RC3H2: variants seen among roughly 807,000 people sequenced by gnomAD.
The protein encoded by RC3H2 is ring finger and CCCH-type domains 2, also known as roquin-2.
Under a neutral mutation model 133.3 loss-of-function variants are expected in RC3H2, and 31 were observed. The observed-to-expected ratio is 0.23, with a 90% CI of 0.17 to 0.31. RC3H2 has a LOEUF of 0.31. RC3H2 is among the 10% of genes least tolerant of loss of function. RC3H2 has a pLI of 1.00. For missense variants in RC3H2, 1,175 were observed against 1,437.2 expected (o/e 0.82, Z 2.95); for synonymous variants, 517 against 502.2 (o/e 1.03, Z -0.40).
At chr9:122,851,696 G>A (rs1030952917) in intron 18 of RC3H2, 83 of 390,822 alleles carry the variant, frequency 2.1e-4, no homozygotes, top group South Asian at 2.2e-4. Flanking sequence ...ACGGGGTTTC[G>A]CTGTGATGGC....
rs368034443 is a variant in RC3H2 at position 122,859,899 on chromosome 9, T to C, written c.1849+18A>G. The C allele has an allele frequency of 2.5e-5, 39 of 1,551,266 alleles. No homozygotes were observed. In the African/African-American group the frequency reaches 4.1e-4, roughly 16 times the overall value. On this transcript the variant is annotated intron_variant, in intron 11 of 20. Transcript: ENST00000357244. ...AACAATGTTTCTTTTTTTCTTAGAA[T>C]TGTCTAAAATTACTCACCTGTCTGT...
intron 10 of RC3H2, among the ~76,000 whole-genome samples, chr9:122,861,961 G>C (rs1276696030): frequency 6.6e-6 from 1 of 152,142 alleles, no homozygotes; most frequent in Non-Finnish European, 1.5e-5. Flanking sequence ...AAATGATTAG[G>C]ATTTCCTTAA....
intron 1 of RC3H2, among the ~76,000 whole-genome samples, chr9:122,900,699 T>C (rs1419160944): frequency 1.3e-5 from 2 of 152,204 alleles, no homozygotes; most frequent in Non-Finnish European, 2.9e-5. Context: ...TAGTTACTAC[T>C]GAAGTATTCT....
chr9:122,897,512 T>C lies in RC3H2; in HGVS notation c.-3A>G, dbSNP rs992513827. The C allele has an allele frequency of 1.2e-6, 2 of 1,611,890 alleles. No individual in the cohort carries two copies. The highest frequency in any genetic ancestry group is 1.7e-6 in the Non-Finnish European group (2 of 1,178,646). ...CATTGAGCTGCCTGCACAGGCATTG[T>C]GGAAGCTGGATGCTCGGGTTAGCAG... is the stretch of plus-strand genomic sequence containing the variant. On this transcript the variant is annotated 5_prime_UTR_variant, in exon 2 of 21. Coordinates refer to ENST00000357244, the MANE Select transcript of RC3H2 (RefSeq NM_001100588.3).
In RC3H2 at chr9:122,883,235, AC is replaced by A; in HGVS notation, c.727del (p.Val243CysfsTer21). The part of the protein sequence containing the change: ...QASKTSIGHV[V>X]QLLYRASCFK... ...ACAAGAAGCTCGATACAGTAGTTGC[AC>A]AACATGACCAATACTTGTTTTTGAT... On this transcript the variant is annotated frameshift_variant, in exon 5 of 21. Coordinates refer to ENST00000357244, the MANE Select transcript of RC3H2 (RefSeq NM_001100588.3). LOFTEE classifies it high-confidence loss of function. 6.2e-7 allele frequency: 1 copy of A among 1,613,614 alleles called. No homozygotes were observed. The highest frequency in any genetic ancestry group is 8.5e-7 in the Non-Finnish European group (1 of 1,179,888).
At chr9:122,876,660 C>T (rs577630206) in intron 9 of RC3H2, among the ~76,000 whole-genome samples, 3 of 150,404 alleles carry the variant, frequency 2.0e-5, no homozygotes, top group African/African-American at 7.3e-5. Flanking sequence ...CACTGGCCAG[C>T]AGAAAGTAGA....
At chr9:122,869,707 A>G (rs1433929595) in intron 9 of RC3H2, among the ~76,000 whole-genome samples, 1 of 151,648 alleles carries the variant, frequency 6.6e-6, no homozygotes, top group Non-Finnish European at 1.5e-5. Context: ...TGCACATTAT[A>G]GGCGCGCGCC....
intron 18 of RC3H2, chr9:122,853,664 A>C: frequency 3.2e-6 from 2 of 619,090 alleles, no homozygotes; most frequent in South Asian, 4.3e-5. Flanking sequence ...AGGCAGGAGA[A>C]TCGCTTGAAC....
At position 122,877,521 on chromosome 9, in the gene RC3H2, A is replaced by ACAACCCCCTTGCT; in HGVS notation, c.1262_1274dup (p.Cys425Ter). 6.2e-7 allele frequency: 1 copy of ACAACCCCCTTGCT among 1,614,216 alleles called. No homozygotes were observed. The highest frequency in any genetic ancestry group is 8.5e-7 in the Non-Finnish European group (1 of 1,180,026). On this transcript the variant is annotated stop_gained and frameshift_variant, in exon 9 of 21. Transcript: ENST00000357244. LOFTEE classifies it high-confidence loss of function. ...CAAATGTACAATTTGTTCCTCGTGGACAACCCCCTTGCTGTCGCAAATCTC... is the reference window on the plus strand; with the variant it reads ...CAAATGTACAATTTGTTCCTCGTGGACAACCCCCTTGCTCAACCCCCTTGCTGTCGCAAATCTC...
chr9:122,858,357 C>T (rs1830329609), intron 12 of RC3H2, among the ~76,000 whole-genome samples: 1 of 152,170 alleles, frequency 6.6e-6, no homozygotes, highest in Non-Finnish European at 1.5e-5. Context: ...AAGGTCCTAA[C>T]CTTGTATTTT....
intron 15 of RC3H2, 47 bp downstream of exon 15, chr9:122,855,132 AAAGGC>A: frequency 7.6e-7 from 1 of 1,322,628 alleles, no homozygotes; most frequent in South Asian, 1.4e-5. Flanking sequence ...AAAAAAAAAA[AAAGGC>A]ATAGTGCTTA....
Position 122,847,348 on chromosome 9 carries a change from G to A in RC3H2, c.*2279C>T, listed in dbSNP as rs1316322824. 1 of 152,108 alleles carries A rather than the reference G, an allele frequency of 6.6e-6. No homozygotes were observed. Among genetic ancestry groups the A allele is most frequent in the Admixed American group, 6.5e-5 (1 of 15,268 alleles). 9.4% of individuals were successfully genotyped at this position (152,108 alleles called of 1,614,324 possible). A position where few individuals can be genotyped will look rare whatever the true frequency, so the allele number is the denominator to read the frequency against. On this transcript the variant is annotated 3_prime_UTR_variant, in exon 21 of 21. Coordinates refer to ENST00000357244, the MANE Select transcript of RC3H2 (RefSeq NM_001100588.3). Reference sequence around the variant, plus strand: ...ATGTTTTGTGTAGTTCTGTTGCACAGAGGGTTCTTTCCCTGAGGGCACATA... The same window carrying A: ...ATGTTTTGTGTAGTTCTGTTGCACAAAGGGTTCTTTCCCTGAGGGCACATA...
At chr9:122,894,975 A>G (rs1320684262) in intron 2 of RC3H2, among the ~76,000 whole-genome samples, 1 of 152,216 alleles carries the variant, frequency 6.6e-6, no homozygotes, top group Non-Finnish European at 1.5e-5. Flanking sequence ...TATACTTGGT[A>G]TATCTGAGAA....
chr9:122,846,320 G>C lies in RC3H2; in HGVS notation c.*3307C>G, dbSNP rs188869190. 1.3e-5 allele frequency: 2 copies of C among 152,272 alleles called. No individual in the cohort carries two copies. Among genetic ancestry groups the C allele is most frequent in the Admixed American group, 1.3e-4 (2 of 15,298 alleles). The allele number at this position is 152,272 out of a possible 1,614,324, so 9.4% of individuals were successfully genotyped here. On this transcript the variant is annotated 3_prime_UTR_variant, in exon 21 of 21. Coordinates refer to ENST00000357244, the MANE Select transcript of RC3H2 (RefSeq NM_001100588.3). ...GCTATGATGGGAAGGAAAAATCAGT[G>C]CCACTGGCCTAATGAACTCCCTTTT... is the stretch of plus-strand genomic sequence containing the variant.
chr9:122,872,042 T>G (rs1831125191), intron 9 of RC3H2, among the ~76,000 whole-genome samples: 1 of 152,168 alleles, frequency 6.6e-6, no homozygotes, highest in Non-Finnish European at 1.5e-5. Context: ...CCTTTCAAAG[T>G]ATTGGAATTA....
At chr9:122,862,875 C>G (rs1429385328) in intron 10 of RC3H2, among the ~76,000 whole-genome samples, 1 of 121,416 alleles carries the variant, frequency 8.2e-6, no homozygotes, top group Non-Finnish European at 1.6e-5. Context: ...ACCTGGGTGA[C>G]AGAGAGACTC....
chr9:122,860,316 G>C (rs138104483), intron 10 of RC3H2, among the ~76,000 whole-genome samples, 185 bp from the exon 11 acceptor site: 6 of 151,624 alleles, frequency 4.0e-5, no homozygotes, highest in African/African-American at 1.2e-4. Flanking sequence ...CGTGATCATC[G>C]TAACAGATGT....
rs1829847308 is a variant in RC3H2, at chr9:122,845,371, A to C, written c.*4256T>G. The C allele has an allele frequency of 6.6e-6, 1 of 152,168 alleles. No individual in the cohort carries two copies. Among genetic ancestry groups the C allele is most frequent in the African/African-American group, 2.4e-5 (1 of 41,436 alleles). 9.4% of individuals were successfully genotyped at this position (152,168 alleles called of 1,614,324 possible). On this transcript the variant is annotated 3_prime_UTR_variant, in exon 21 of 21. Coordinates refer to ENST00000357244, the MANE Select transcript of RC3H2 (RefSeq NM_001100588.3). Reference sequence around the variant, plus strand: ...TGTGTTGTATCACAACTACAGTATAATTGTTTGCCCAGCTAAGAGAATGCA... The same window carrying C: ...TGTGTTGTATCACAACTACAGTATACTTGTTTGCCCAGCTAAGAGAATGCA...
intron 9 of RC3H2, among the ~76,000 whole-genome samples, chr9:122,871,428 G>C (rs1053687541): frequency 5.3e-5 from 8 of 151,656 alleles, no homozygotes; most frequent in African/African-American, 1.9e-4. Flanking sequence ...CTCCCGAGGA[G>C]CTGGTACTAC....
Sources: allele counts gnomAD v4.1 joint callset (sites outside exome capture counted in the v4.1 genomes callset), GRCh38; gene constraint gnomAD v4.1.1; transcripts MANE v1.5; gene names NCBI Gene and HGNC (gene_info 2026-07-23, HGNC 2026-07-21).